The following XRN1 variants were observed in gnomAD, a reference collection of about 807,000 sequenced individuals.
The protein encoded by XRN1 is 5'-3' exoribonuclease 1, also known as strand-exchange protein 1 homolog.
Under a neutral mutation model 222.3 loss-of-function variants are expected in XRN1, and 67 were observed. That is an observed-to-expected ratio of 0.30 (90% confidence interval 0.25 to 0.37). The LOEUF (loss-of-function observed/expected upper bound fraction) is 0.37, where lower values mean the gene tolerates loss of function less well. Ranked by LOEUF, XRN1 falls within the 10% of genes least tolerant of loss-of-function variation. The pLI is 1.00. For missense variants in XRN1, 1,707 were observed against 2,000.2 expected (o/e 0.85, Z 2.80); for synonymous variants, 643 against 652.4 (o/e 0.99, Z 0.22).
intron 34 of XRN1, 129 bp from the exon 35 acceptor site, chr3:142,333,218 G>T: frequency 9.3e-7 from 1 of 1,070,478 alleles, no homozygotes; most frequent in Non-Finnish European, 1.3e-6. Context: ...TAAAGTTTGG[G>T]AAGAGAATTG....
chr3:142,397,570 A>C lies in XRN1; in HGVS notation c.2208-110T>G, dbSNP rs544620453. On this transcript the variant is annotated intron_variant, in intron 19 of 40. Coordinates refer to ENST00000392981, the MANE Select transcript of XRN1 (RefSeq NM_001282857.2). ...ATTTTTTTCACATGGTATACTAGCA[A>C]AAAACCCCACAACTGTAATGTAAAT... is the stretch of plus-strand genomic sequence containing the variant. 68 of 771,838 alleles carry C rather than the reference A, an allele frequency of 8.8e-5. No homozygotes were observed. The African/African-American group carries it at 1.1e-3, about 13-fold the overall frequency. 47.8% of individuals were successfully genotyped at this position (771,838 alleles called of 1,614,324 possible).
chr3:142,330,749 T>G (rs1422612373), intron 36 of XRN1, among the ~76,000 whole-genome samples: 1 of 152,196 alleles, frequency 6.6e-6, no homozygotes, highest in East Asian at 1.9e-4. Context: ...TAATATTTTT[T>G]GGAATTTTTA....
At position 142,383,576 on chromosome 3, in the gene XRN1, A is replaced by G. The variant is rs113329710; in HGVS notation, c.2503-163T>C. Among the ~76,000 whole-genome samples the G allele has an allele frequency of 1.6e-4, 24 of 152,278 alleles. 1 individual carries two copies. The highest frequency in any genetic ancestry group is 5.5e-4 in the African/African-American group (23 of 41,562). Reference sequence around the variant, plus strand: ...TTTGTTGACTGGTTATATGGCAGGCACCCTTCTATGTGCTTCACACATTTA... The same window carrying G: ...TTTGTTGACTGGTTATATGGCAGGCGCCCTTCTATGTGCTTCACACATTTA... On this transcript the variant is annotated intron_variant, in intron 21 of 40. Coordinates refer to ENST00000392981, the MANE Select transcript of XRN1 (RefSeq NM_001282857.2).
At chr3:142,417,436 T>A (rs1374921932) in intron 12 of XRN1, among the ~76,000 whole-genome samples, 1 of 152,198 alleles carries the variant, frequency 6.6e-6, no homozygotes, top group African/African-American at 2.4e-5. Context: ...CTAAACCAAC[T>A]ATCAAAATAG....
At position 142,308,180 on chromosome 3, in the gene XRN1, A is replaced by C. The variant is rs1244826727; in HGVS notation, c.*3331T>G. 6.6e-6 allele frequency: 1 copy of C among 152,244 alleles called. No individual in the cohort carries two copies. The highest frequency in any genetic ancestry group is 1.9e-4 in the East Asian group (1 of 5,206). 9.4% of individuals were successfully genotyped at this position (152,244 alleles called of 1,614,324 possible). On this transcript the variant is annotated 3_prime_UTR_variant, in exon 41 of 41. Transcript: ENST00000392981. ...AGAACACATAAATAAAAAGTGAGTA[A>C]AAAAGACCTTACAGTTTATCTATTT...
chr3:142,397,378 C>T lies in XRN1; in HGVS notation c.2290G>A (p.Asp764Asn), dbSNP rs2067969495. 2.5e-6 allele frequency: 4 copies of T among 1,609,540 alleles called. No homozygotes were observed. The highest frequency in any genetic ancestry group is 3.4e-6 in the Non-Finnish European group (4 of 1,177,548). Reference protein sequence around the residue: ...APPSKVVHLGDKEQSNWAKEV... With the variant: ...APPSKVVHLGNKEQSNWAKEV... ...TTTGCCCAGTTAGATTGTTCTTTAT[C>T]TCCAAGATGAACCACTTTAGATGGT... Residue 764 changes from aspartate to asparagine, a missense_variant, in exon 20 of 41, where the codon GAT becomes AAT. Coordinates refer to ENST00000392981, the MANE Select transcript of XRN1 (RefSeq NM_001282857.2).
chr3:142,409,348 T>A (rs1446455560), intron 15 of XRN1, among the ~76,000 whole-genome samples: 3 of 152,216 alleles, frequency 2.0e-5, no homozygotes, highest in Non-Finnish European at 4.4e-5. Flanking sequence ...AAGTTTTGTG[T>A]ATGGTGTGAG....
chr3:142,374,997 G>A (rs1027279161), intron 25 of XRN1, among the ~76,000 whole-genome samples: 1 of 152,176 alleles, frequency 6.6e-6, no homozygotes, highest in Non-Finnish European at 1.5e-5. Flanking sequence ...CATAAACACG[G>A]AGGATTGCAG....
At chr3:142,334,387 T>C (rs7620708) in intron 34 of XRN1, among the ~76,000 whole-genome samples, 2 of 151,914 alleles carry the variant, frequency 1.3e-5, no homozygotes, top group African/African-American at 4.8e-5. Flanking sequence ...TTTAAAAAAA[T>C]ATATATTAAA....
intron 15 of XRN1, among the ~76,000 whole-genome samples, chr3:142,410,499 T>TG (rs1386623563): frequency 7.4e-6 from 1 of 134,786 alleles, no homozygotes; most frequent in Non-Finnish European, 1.6e-5. Context: ...TTTTTTTTTT[T>TG]TTTTTTTTTT....
chr3:142,330,572 C>CTAAG (rs1241029150), intron 36 of XRN1, among the ~76,000 whole-genome samples: 1 of 150,590 alleles, frequency 6.6e-6, no homozygotes, highest in African/African-American at 2.4e-5. Context: ...GCTAGTGACC[C>CTAAG]TAAGACTCTA....
At chr3:142,393,239 G>GTC (rs2067803204) in intron 20 of XRN1, among the ~76,000 whole-genome samples, 1 of 148,386 alleles carries the variant, frequency 6.7e-6, no homozygotes, top group Non-Finnish European at 1.5e-5. Flanking sequence ...TTTGTCAGAT[G>GTC]AGTAGGTTGC....
chr3:142,372,817 C>T (rs2067026187), intron 25 of XRN1, among the ~76,000 whole-genome samples: 1 of 152,186 alleles, frequency 6.6e-6, no homozygotes, highest in African/African-American at 2.4e-5. Context: ...TAATCCACTA[C>T]ATTCATATCC....
At chr3:142,433,265 G>T (rs967408315) in intron 1 of XRN1, among the ~76,000 whole-genome samples, 6 of 152,022 alleles carry the variant, frequency 3.9e-5, no homozygotes, top group African/African-American at 1.4e-4. Flanking sequence ...TCTATAATGG[G>T]TAACAAAAAG....
At position 142,425,420 on chromosome 3, in the gene XRN1, G is replaced by C. The variant is rs375300786; in HGVS notation, c.516+9C>G. On this transcript the variant is annotated intron_variant, in intron 4 of 40. Coordinates refer to ENST00000392981, the MANE Select transcript of XRN1 (RefSeq NM_001282857.2). ...TTTTTAAACTCTTTAAATAAAAAAA[G>C]ATAATAACCTCATGGCCTGAGAAGT... is the stretch of plus-strand genomic sequence containing the variant. 67 of 1,598,138 alleles carry C rather than the reference G, an allele frequency of 4.2e-5. No homozygotes were observed. Among genetic ancestry groups the C allele is most frequent in the Non-Finnish European group, 5.6e-5 (66 of 1,172,280 alleles).
At chr3:142,333,250 A>G (rs1031421517) in intron 34 of XRN1, among the ~76,000 whole-genome samples, 161 bp from the exon 35 acceptor site, 2 of 152,200 alleles carry the variant, frequency 1.3e-5, no homozygotes, top group Admixed American at 6.5e-5. Flanking sequence ...TTTTTACCTT[A>G]TCAATAGCAT....
intron 34 of XRN1, among the ~76,000 whole-genome samples, chr3:142,334,601 T>A (rs1200500893): frequency 6.6e-6 from 1 of 151,796 alleles, no homozygotes; most frequent in Admixed American, 6.6e-5. Flanking sequence ...ATTTGCTATT[T>A]TGTTCCATGT....
At chr3:142,423,732 GGAA>G in intron 5 of XRN1, 90 bp from the exon 6 acceptor site, 2 of 946,700 alleles carry the variant, frequency 2.1e-6, no homozygotes, top group Non-Finnish European at 3.0e-6. Flanking sequence ...TTCTATACAA[GGAA>G]GAATAAGAAA....
chr3:142,396,186 C>T (rs1278162457), intron 20 of XRN1, among the ~76,000 whole-genome samples: 1 of 152,136 alleles, frequency 6.6e-6, no homozygotes, highest in Non-Finnish European at 1.5e-5. Flanking sequence ...TTGATATTCA[C>T]ATATCAATGT....
Sources: gnomAD v4.1 joint callset for allele counts (sites outside exome capture counted in the v4.1 genomes callset) on GRCh38, gnomAD v4.1.1 for gene constraint, MANE v1.5 for transcripts, NCBI Gene and HGNC (gene_info 2026-07-23, HGNC 2026-07-21) for gene names.